The following RGS12 variants were observed in gnomAD, a reference collection of about 807,000 sequenced individuals.
RGS12 encodes regulator of G protein signaling 12, also known as regulator of G-protein signaling 12.
RGS12 carries 66 observed loss-of-function variants against 120.1 expected under a neutral mutation model. The ratio of observed to expected loss-of-function variants is 0.55; its 90% CI spans 0.45 to 0.67. The LOEUF (loss-of-function observed/expected upper bound fraction) is 0.67, where lower values mean the gene tolerates loss of function less well. Ranked by LOEUF, RGS12 falls within the 30% of genes least tolerant of loss-of-function variation. RGS12 has a pLI of 0.00. For synonymous variants in RGS12, 827 were observed against 804.7 expected (o/e 1.03, Z -0.47); for missense variants, 1,859 against 1,957.7 (o/e 0.95, Z 0.95).
In RGS12 at chr4:3,342,938, G is replaced by T. The variant is rs768017744; in HGVS notation, c.1883G>T (p.Gly628Val). The change falls in exon 3 of 18, where the codon GGC becomes GTC. Residue 628 changes from glycine (G) to valine (V), a missense_variant and splice_region_variant. Gly to Val is a moderately radical substitution (Grantham distance 109, BLOSUM62 -3). Coordinates refer to ENST00000336727, the MANE Select transcript of RGS12 (RefSeq NM_001394154.1). ...NVRKTKEDKK[G>V]SKFGRGTGLT... ...GATGCCTTTTTTCTTCGTGTTTAGG[G>T]CTCAAAATTTGGGCGGGGAACTGGA... The T allele has an allele frequency of 4.3e-6, 7 of 1,610,990 alleles. No individual in the cohort carries two copies. The highest frequency in any genetic ancestry group is 1.7e-4 in the Middle Eastern group (1 of 6,050).
At chr4:3,417,333 C>G in intron 8 of RGS12, 55 bp from the exon 9 acceptor site, 1 of 1,518,784 alleles carries the variant, frequency 6.6e-7, no homozygotes, top group Non-Finnish European at 8.9e-7. Flanking sequence ...TTGCACTTAA[C>G]GTAATAGTAA....
chr4:3,370,041 A>C, intron 3 of RGS12: 1 of 1,266,656 alleles, frequency 7.9e-7, no homozygotes, highest in Non-Finnish European at 9.9e-7. Flanking sequence ...ATGATCTCAC[A>C]GCGTGATTTA....
intron 6 of RGS12, among the ~76,000 whole-genome samples, chr4:3,415,635 TCG>T (rs1722302424): frequency 6.6e-6 from 1 of 152,182 alleles, no homozygotes; most frequent in African/African-American, 2.4e-5. Context: ...GGGGCTGCTT[TCG>T]TCTGCTCGCA....
At chr4:3,391,528 C>T (rs111649213) in intron 4 of RGS12, among the ~76,000 whole-genome samples, 4 of 152,230 alleles carry the variant, frequency 2.6e-5, no homozygotes, top group Non-Finnish European at 5.9e-5. Context: ...GGTGCCCCTG[C>T]GGCTGCATCC....
At chr4:3,299,935 G>A (rs551293491) in intron 1 of RGS12, among the ~76,000 whole-genome samples, 1 of 152,304 alleles carries the variant, frequency 6.6e-6, no homozygotes, top group Non-Finnish European at 1.5e-5. Context: ...GCTCACTGAG[G>A]GTGGGAGGAA....
At chr4:3,318,201 C>T (rs996037204) in intron 2 of RGS12, 150 bp downstream of exon 2, 59 of 684,580 alleles carry the variant, frequency 8.6e-5, no homozygotes, top group African/African-American at 7.8e-4. Flanking sequence ...GTCTGCGTTG[C>T]CTGTGGGCTG....
At chr4:3,309,667 A>AG (rs1208673544) in intron 1 of RGS12, among the ~76,000 whole-genome samples, 5 of 112,952 alleles carry the variant, frequency 4.4e-5, no homozygotes, top group Admixed American at 9.2e-5. Flanking sequence ...GGACCCTGGA[A>AG]TGGCAGGTGT....
At chr4:3,367,174 A>G (rs1024507777) in intron 3 of RGS12, among the ~76,000 whole-genome samples, 1 of 152,200 alleles carries the variant, frequency 6.6e-6, no homozygotes, top group Non-Finnish European at 1.5e-5. Context: ...GGTGATATGC[A>G]GGCCTGAGTC....
chr4:3,393,458 C>T (rs1005133414), intron 4 of RGS12, among the ~76,000 whole-genome samples: 15 of 152,254 alleles, frequency 9.9e-5, no homozygotes, highest in South Asian at 4.2e-4. Context: ...TGGCCTTCCC[C>T]GATTCTGACC....
intron 2 of RGS12, among the ~76,000 whole-genome samples, chr4:3,337,428 G>A (rs1002587992): frequency 2.0e-5 from 3 of 152,224 alleles, no homozygotes; most frequent in Admixed American, 6.5e-5. Flanking sequence ...CATGTTCATA[G>A]CAGTATTATT....
At chr4:3,331,182 T>C (rs1578745288) in intron 2 of RGS12, among the ~76,000 whole-genome samples, 1 of 152,300 alleles carries the variant, frequency 6.6e-6, no homozygotes, top group East Asian at 1.9e-4. Flanking sequence ...TATCCTGTTT[T>C]GGTGTAAAAA....
chr4:3,377,798 C>G (rs1457788382), intron 3 of RGS12, among the ~76,000 whole-genome samples: 4 of 152,196 alleles, frequency 2.6e-5, no homozygotes, highest in Admixed American at 2.0e-4. Flanking sequence ...AAGAGACCCA[C>G]CGAGGAGCAG....
intron 3 of RGS12, among the ~76,000 whole-genome samples, chr4:3,350,572 C>T (rs1260221944): frequency 6.6e-6 from 1 of 152,020 alleles, no homozygotes; most frequent in Non-Finnish European, 1.5e-5. Context: ...GTCCCAGCTA[C>T]TCAAGAGGCT....
At chr4:3,290,624 T>C (rs1722984972), upstream of RGS12, among the ~76,000 whole-genome samples, 1 of 152,254 alleles carries the variant, frequency 6.6e-6, no homozygotes, top group Admixed American at 6.5e-5. Context: ...GAGTGCCTCC[T>C]TAAGCAACTG....
intron 3 of RGS12, among the ~76,000 whole-genome samples, chr4:3,344,987 G>A (rs1252856891): frequency 1.3e-5 from 2 of 152,202 alleles, no homozygotes; most frequent in African/African-American, 2.4e-5. Context: ...ACGGAGGAAG[G>A]CTCTCTGTAA....
At chr4:3,347,403 C>A (rs1713912898) in intron 3 of RGS12, among the ~76,000 whole-genome samples, 1 of 152,128 alleles carries the variant, frequency 6.6e-6, no homozygotes, top group African/African-American at 2.4e-5. Context: ...CAGATCCCGC[C>A]ACTGCACTCC....
At chr4:3,323,125 T>TGCCCCTGGTG (rs1311643119) in intron 2 of RGS12, among the ~76,000 whole-genome samples, 20 of 152,206 alleles carry the variant, frequency 1.3e-4, no homozygotes, top group Non-Finnish European at 2.6e-4. Flanking sequence ...GGGTGGCGCG[T>TGCCCCTGGTG]GCCCCTCGGT....
At chr4:3,397,403 C>T (rs767777007) in intron 4 of RGS12, among the ~76,000 whole-genome samples, 6 of 152,192 alleles carry the variant, frequency 3.9e-5, no homozygotes, top group Non-Finnish European at 8.8e-5. Flanking sequence ...GATTAACCCT[C>T]ATATGAGTTT....
At chr4:3,362,822 AGTGT>A (rs754521582) in intron 3 of RGS12, among the ~76,000 whole-genome samples, 1 of 133,766 alleles carries the variant, frequency 7.5e-6, no homozygotes, top group Non-Finnish European at 1.6e-5. Context: ...AGGGTGTGTC[AGTGT>A]GTTTGAGTGT....
Sources: gnomAD v4.1 joint callset for allele counts (sites outside exome capture counted in the v4.1 genomes callset) on GRCh38, gnomAD v4.1.1 for gene constraint, MANE v1.5 for transcripts, NCBI Gene and HGNC (gene_info 2026-07-23, HGNC 2026-07-21) for gene names.